Variants in PITPNM2 observed in about 807,000 individuals in gnomAD.
The protein encoded by PITPNM2 is membrane-associated phosphatidylinositol transfer protein 2.
In PITPNM2, 35 loss-of-function variants were observed where a neutral mutation model predicts 132.2. That is an observed-to-expected ratio of 0.26 (90% CI 0.20 to 0.35). The LOEUF is 0.35. PITPNM2 is among the 10% of genes least tolerant of loss of function. The pLI, the probability that PITPNM2 is intolerant of heterozygous loss-of-function variation, is 1.00. For synonymous variants in PITPNM2, 738 were observed against 799.2 expected (o/e 0.92, Z 1.29); for missense variants, 1,332 against 1,912.0 (o/e 0.70, Z 5.66).
chr12:123,050,148 T>C (rs1210623006), intron 2 of PITPNM2, among the ~76,000 whole-genome samples: 2 of 152,152 alleles, frequency 1.3e-5, no homozygotes. Flanking sequence ...TTGCTGCCCA[T>C]GGTGTGGGCT....
chr12:123,067,506 A>T (rs954445727), intron 2 of PITPNM2, among the ~76,000 whole-genome samples: 2 of 151,468 alleles, frequency 1.3e-5, no homozygotes, highest in African/African-American at 4.9e-5. Context: ...CACGCAAAAG[A>T]AGAAGAGGAG....
intron 16 of PITPNM2, chr12:122,991,674 A>G (rs2038190936): frequency 8.0e-7 from 1 of 1,257,530 alleles, no homozygotes; most frequent in Non-Finnish European, 1.0e-6. Context: ...GTGGCCAAGG[A>G]GGGCATGGAT....
chr12:122,996,168 A>G (rs2038417797), intron 13 of PITPNM2, among the ~76,000 whole-genome samples: 1 of 152,344 alleles, frequency 6.6e-6, no homozygotes, highest in Middle Eastern at 3.4e-3. Flanking sequence ...CTCTTTGGCC[A>G]GAATGTGCTG....
chr12:123,068,584 T>C (rs1487685740), intron 2 of PITPNM2, among the ~76,000 whole-genome samples: 1 of 152,210 alleles, frequency 6.6e-6, no homozygotes, highest in Admixed American at 6.5e-5. Flanking sequence ...TCAGAAATGC[T>C]TGAAGCGAGA....
intron 1 of PITPNM2, among the ~76,000 whole-genome samples, chr12:123,148,216 C>T (rs1343073183): frequency 6.6e-6 from 1 of 152,158 alleles, no homozygotes; most frequent in African/African-American, 2.4e-5. Flanking sequence ...TGTTTGGAGG[C>T]AGGGAGTCCT....
At chr12:123,151,443 G>A (rs1419151378), upstream of PITPNM2, among the ~76,000 whole-genome samples, 2 of 152,116 alleles carry the variant, frequency 1.3e-5, no homozygotes, top group African/African-American at 2.4e-5. Context: ...TCTTAAAACA[G>A]CCTCATTTTA....
intron 2 of PITPNM2, among the ~76,000 whole-genome samples, chr12:123,103,394 C>T (rs1397870502): frequency 6.6e-6 from 1 of 152,230 alleles, no homozygotes; most frequent in African/African-American, 2.4e-5. Context: ...TGCACAGGAG[C>T]ACTGACTTTG....
At chr12:123,080,769 C>A (rs1161667146) in intron 2 of PITPNM2, among the ~76,000 whole-genome samples, 1 of 152,216 alleles carries the variant, frequency 6.6e-6, no homozygotes, top group African/African-American at 2.4e-5. Context: ...CAGTCATCAC[C>A]CCTCTCTGAG....
chr12:123,119,417 G>C (rs1593025871), intron 1 of PITPNM2, among the ~76,000 whole-genome samples: 2 of 150,004 alleles, frequency 1.3e-5, no homozygotes, highest in African/African-American at 5.0e-5. Context: ...GAGTGCAGTG[G>C]AACCATCTTG....
At chr12:123,013,361 AG>A (rs2039291731) in intron 4 of PITPNM2, among the ~76,000 whole-genome samples, 1 of 152,240 alleles carries the variant, frequency 6.6e-6, no homozygotes. Flanking sequence ...ACCCTCTGCC[AG>A]GGAATCCCAA....
At chr12:123,100,932 G>A (rs981459640) in intron 2 of PITPNM2, among the ~76,000 whole-genome samples, 19 of 152,034 alleles carry the variant, frequency 1.2e-4, no homozygotes, top group Non-Finnish European at 1.0e-4. Context: ...CTTCACATAC[G>A]AAGGAACTGA....
chr12:123,035,071 G>C (rs1374511530), intron 2 of PITPNM2, among the ~76,000 whole-genome samples: 1 of 152,216 alleles, frequency 6.6e-6, no homozygotes, highest in Non-Finnish European at 1.5e-5. Flanking sequence ...TCATGGAAAA[G>C]CAGGCAGATC....
chr12:123,041,353 C>A (rs1046140250), intron 2 of PITPNM2, among the ~76,000 whole-genome samples: 1 of 152,144 alleles, frequency 6.6e-6, no homozygotes, highest in African/African-American at 2.4e-5. Context: ...GCTGCCTACC[C>A]CCAGGTGCAG....
Position 123,097,576 on chromosome 12 carries a change from G to A in PITPNM2, c.-96+12809C>T, listed in dbSNP as rs960902195. 6.6e-6 allele frequency among the ~76,000 whole-genome samples: 1 copy of A among 152,200 alleles called. No individual in the cohort carries two copies. Among genetic ancestry groups the A allele is most frequent in the Non-Finnish European group, 1.5e-5 (1 of 68,040 alleles). On this transcript the variant is annotated intron_variant, in intron 2 of 25. Transcript: ENST00000320201. This position sits in a 1 kb window ranked among gnomAD's most constrained non-coding sequence, Gnocchi z 4.7. Reference sequence around the variant, plus strand: ...GCTCAGCAGTGATGGCATGGATGGGGAGGGGTTCCAGCAGACTTATTTATA... The same window carrying A: ...GCTCAGCAGTGATGGCATGGATGGGAAGGGGTTCCAGCAGACTTATTTATA...
At position 123,000,669 on chromosome 12, in the gene PITPNM2, A is replaced by G; in HGVS notation, c.1224+109T>C. The G allele has an allele frequency of 8.2e-7, 1 of 1,224,912 alleles. No homozygotes were observed. Among genetic ancestry groups the G allele is most frequent in the Non-Finnish European group, 1.2e-6 (1 of 861,168 alleles). 75.9% of individuals were successfully genotyped at this position (1,224,912 alleles called of 1,614,324 possible). On this transcript the variant is annotated intron_variant, in intron 10 of 25. Transcript: ENST00000320201. The surrounding 1 kb of genome is among the most constrained non-coding windows in gnomAD (Gnocchi z 5.4). ...CAGTACCCAGGCAGGCGTGGAGGTG[A>G]GGCTGCCAGGCCCAGAGTTCCACCT...
Position 123,036,879 on chromosome 12 carries a change from C to A in PITPNM2, c.-95-2194G>T, listed in dbSNP as rs948421774. On this transcript the variant is annotated intron_variant, in intron 2 of 25. Coordinates refer to ENST00000320201, the MANE Select transcript of PITPNM2 (RefSeq NM_020845.3). The surrounding 1 kb of genome is among the most constrained non-coding windows in gnomAD (Gnocchi z 4.1). ...CCCTCTCCTGCGACCTGTCCACCAG[C>A]CTTTCTGATCCCTGATCAACCCCAA... Among the ~76,000 whole-genome samples the A allele has an allele frequency of 6.6e-6, 1 of 152,238 alleles. No individual in the cohort carries two copies. Among genetic ancestry groups the A allele is most frequent in the South Asian group, 2.1e-4 (1 of 4,832 alleles).
At chr12:123,143,711 C>T (rs554817220) in intron 1 of PITPNM2, among the ~76,000 whole-genome samples, 1 of 152,338 alleles carries the variant, frequency 6.6e-6, no homozygotes, top group East Asian at 1.9e-4. Flanking sequence ...CATGAAAGTA[C>T]AGGGTCCCTC....
chr12:123,124,928 A>G (rs73413270), intron 1 of PITPNM2, among the ~76,000 whole-genome samples: 7,208 of 152,224 alleles, frequency 0.047, 579 homozygotes, highest in African/African-American at 0.16. Flanking sequence ...CTGGTGCACT[A>G]TCATGCATAG....
intron 1 of PITPNM2, among the ~76,000 whole-genome samples, chr12:123,133,993 C>T (rs539287005): frequency 1.3e-5 from 2 of 152,030 alleles, no homozygotes; most frequent in African/African-American, 2.4e-5. Flanking sequence ...AGCCTCATTA[C>T]TCTGAAAAAC....
Sources: gnomAD v4.1 joint callset for allele counts (sites outside exome capture counted in the v4.1 genomes callset) on GRCh38, gnomAD v4.1.1 for gene constraint, Gnocchi (gnomAD v3.1) non-coding constraint, MANE v1.5 for transcripts, NCBI Gene and HGNC (gene_info 2026-07-23, HGNC 2026-07-21) for gene names.